Variants in AMPH observed in about 807,000 individuals in gnomAD.
The protein encoded by AMPH is amphiphysin, also known as amphiphysin (Stiff-Mann syndrome with breast cancer 128kD autoantigen).
A neutral mutation model predicts 99.1 loss-of-function variants in AMPH; 49 were observed. That is an observed-to-expected ratio of 0.49 (90% CI 0.39 to 0.63). The LOEUF (loss-of-function observed/expected upper bound fraction) is 0.63, where lower values mean the gene tolerates loss of function less well. Among genes scored for constraint, AMPH ranks in the 20% least tolerant of loss-of-function variants. The pLI is 0.00. For synonymous variants in AMPH, 314 were observed against 317.3 expected (o/e 0.99, Z 0.11); for missense variants, 759 against 863.4 (o/e 0.88, Z 1.52).
chr7:38,528,034 T>C (rs1296102049), intron 2 of AMPH, among the ~76,000 whole-genome samples: 1 of 152,212 alleles, frequency 6.6e-6, no homozygotes, highest in East Asian at 1.9e-4. Context: ...CTTGTTTATA[T>C]GGTAAATTAC....
chr7:38,567,319 C>A (rs1458240540), intron 1 of AMPH, among the ~76,000 whole-genome samples: 1 of 152,086 alleles, frequency 6.6e-6, no homozygotes, highest in East Asian at 1.9e-4. Context: ...TGTTCTCACC[C>A]ATAGGTGGGA....
intron 3 of AMPH, among the ~76,000 whole-genome samples, chr7:38,499,082 C>T (rs1789035886): frequency 6.6e-6 from 1 of 152,206 alleles, no homozygotes; most frequent in South Asian, 2.1e-4. Flanking sequence ...ACCATTCCTG[C>T]CCCAGTCTCT....
chr7:38,625,136 C>T (rs1346208020), intron 1 of AMPH, among the ~76,000 whole-genome samples: 4 of 152,098 alleles, frequency 2.6e-5, no homozygotes, highest in Non-Finnish European at 4.4e-5. Flanking sequence ...ATATAGGATA[C>T]TTGAGATTTC....
chr7:38,600,592 G>C (rs1793211818), intron 1 of AMPH, among the ~76,000 whole-genome samples: 1 of 152,070 alleles, frequency 6.6e-6, no homozygotes, highest in African/African-American at 2.4e-5. Context: ...TGAACCATAG[G>C]AAAATGTCAA....
intron 2 of AMPH, among the ~76,000 whole-genome samples, chr7:38,506,195 C>T (rs2129028410): frequency 6.6e-6 from 1 of 152,302 alleles, no homozygotes; most frequent in South Asian, 2.1e-4. Flanking sequence ...TGAGATGTTG[C>T]TACCATGGCA....
At chr7:38,484,603 T>C (rs1788418128) in intron 5 of AMPH, among the ~76,000 whole-genome samples, 1 of 152,078 alleles carries the variant, frequency 6.6e-6, no homozygotes, top group Admixed American at 6.6e-5. Context: ...AACAGATTTC[T>C]TTAACATGAA....
At chr7:38,491,797 T>C (rs1788727014) in intron 4 of AMPH, among the ~76,000 whole-genome samples, 1 of 152,164 alleles carries the variant, frequency 6.6e-6, no homozygotes. Context: ...GGTTATAAAG[T>C]TGATAAATGA....
chr7:38,423,493 C>T (rs1785667961), intron 15 of AMPH, among the ~76,000 whole-genome samples: 1 of 152,188 alleles, frequency 6.6e-6, no homozygotes, highest in South Asian at 2.1e-4. Context: ...GTTTTGAACA[C>T]ATGCAGTTGC....
intron 1 of AMPH, among the ~76,000 whole-genome samples, chr7:38,610,392 A>AAAG (rs1793639009): frequency 1.4e-5 from 2 of 138,046 alleles, no homozygotes; most frequent in African/African-American, 5.7e-5. Flanking sequence ...GGAAAAGAAA[A>AAAG]GAAAAGAAAA....
chr7:38,591,440 A>C (rs1038363064), intron 1 of AMPH, among the ~76,000 whole-genome samples: 4 of 151,918 alleles, frequency 2.6e-5, no homozygotes, highest in Non-Finnish European at 5.9e-5. Flanking sequence ...GGCGTGCGCC[A>C]CCATGCCCGG....
chr7:38,453,315 A>G (rs1166853528), intron 11 of AMPH, among the ~76,000 whole-genome samples: 2 of 152,178 alleles, frequency 1.3e-5, no homozygotes, highest in African/African-American at 4.8e-5. Context: ...AGACACTGAA[A>G]GCTCCCACAT....
At position 38,618,943 on chromosome 7, in the gene AMPH, T is replaced by C. The variant is rs946350540; in HGVS notation, c.69+12340A>G. Among the ~76,000 whole-genome samples the C allele has an allele frequency of 5.9e-5, 9 of 152,278 alleles. No homozygotes were observed. In the East Asian group the frequency reaches 1.5e-3, roughly 26 times the overall value. ...AATTAAAAGGCAGAGATTGGCAAAA[T>C]TGATCCAAAAAATCTAACAAAATAC... On this transcript the variant is annotated intron_variant, in intron 1 of 20. Coordinates refer to ENST00000356264, the MANE Select transcript of AMPH (RefSeq NM_001635.4).
chr7:38,629,870 A>C (rs565544339), intron 1 of AMPH, among the ~76,000 whole-genome samples: 2 of 152,234 alleles, frequency 1.3e-5, no homozygotes, highest in African/African-American at 4.8e-5. Context: ...AGGGAGAGGC[A>C]GGAGGAGGAT....
intron 11 of AMPH, among the ~76,000 whole-genome samples, chr7:38,460,372 A>C (rs1298126626): frequency 6.6e-6 from 1 of 152,198 alleles, no homozygotes; most frequent in Non-Finnish European, 1.5e-5. Flanking sequence ...TGTGTATATC[A>C]AAGGAATACC....
chr7:38,394,705 A>G (rs78610019), intron 17 of AMPH, among the ~76,000 whole-genome samples: 8,823 of 152,218 alleles, frequency 0.058, 354 homozygotes, highest in East Asian at 0.19. Context: ...AATTTCACAC[A>G]CTTCCTTCAT....
intron 1 of AMPH, among the ~76,000 whole-genome samples, chr7:38,619,386 A>G: frequency 6.6e-6 from 1 of 152,230 alleles, no homozygotes; most frequent in East Asian, 1.9e-4. Context: ...ATAAAAGAGC[A>G]CTAAAATACA....
chr7:38,475,738 A>G (rs1431715241), intron 6 of AMPH, among the ~76,000 whole-genome samples: 1 of 152,228 alleles, frequency 6.6e-6, no homozygotes, highest in Non-Finnish European at 1.5e-5. Context: ...GGAAATTCCC[A>G]GCCTAGTGGA....
chr7:38,443,931 T>C (rs574951871), intron 11 of AMPH, among the ~76,000 whole-genome samples: 1 of 151,296 alleles, frequency 6.6e-6, no homozygotes, highest in South Asian at 2.1e-4. Context: ...ATAATATATA[T>C]AGAAAAATCC....
chr7:38,505,723 G>A (rs1789300503), intron 2 of AMPH, among the ~76,000 whole-genome samples: 1 of 152,132 alleles, frequency 6.6e-6, no homozygotes, highest in Non-Finnish European at 1.5e-5. Flanking sequence ...AGCAGTCGAT[G>A]AAGAGGACCC....
Sources: allele counts gnomAD v4.1 joint callset (sites outside exome capture counted in the v4.1 genomes callset), GRCh38; gene constraint gnomAD v4.1.1; transcripts MANE v1.5; gene names NCBI Gene and HGNC (gene_info 2026-07-23, HGNC 2026-07-21).